IQCJ: variants seen among roughly 807,000 people sequenced by gnomAD.
IQCJ encodes the protein IQ motif containing J.
A neutral mutation model predicts 11.0 loss-of-function variants in IQCJ; 9 were observed. The ratio of observed to expected loss-of-function variants is 0.82; its 90% CI spans 0.49 to 1.43. The LOEUF is 1.43. Among genes scored for constraint, IQCJ ranks in the 40% most tolerant of loss-of-function variants. The probability of loss-of-function intolerance (pLI) is 0.00; values close to 1 mark genes in which losing one functional copy is unlikely to be tolerated. For missense variants in IQCJ, 146 were observed against 133.2 expected, an observed-to-expected ratio of 1.10 and a Z score of -0.47; for synonymous variants, 55 against 51.3, an observed-to-expected ratio of 1.07 and a Z score of -0.31.
chr3:159,197,038 C>CTAA (rs1399050795), intron 1 of IQCJ, among the ~76,000 whole-genome samples: 24 of 152,130 alleles, frequency 1.6e-4, no homozygotes, highest in Middle Eastern at 3.4e-3. Flanking sequence ...TTAAAGGCAC[C>CTAA]TGGTTGGTCT....
intron 1 of IQCJ, among the ~76,000 whole-genome samples, chr3:159,152,778 A>G (rs1477173090): frequency 6.6e-6 from 1 of 152,252 alleles, no homozygotes; most frequent in Non-Finnish European, 1.5e-5. Context: ...AAATAATCTG[A>G]TAAATGTAAC....
intron 1 of IQCJ, among the ~76,000 whole-genome samples, chr3:159,112,533 A>C (rs977192658): frequency 6.6e-6 from 1 of 152,176 alleles, no homozygotes; most frequent in East Asian, 1.9e-4. Flanking sequence ...GAACCTTAAT[A>C]TCTCTGACAA....
intron 1 of IQCJ, among the ~76,000 whole-genome samples, chr3:159,224,021 G>C (rs940392942): frequency 1.6e-4 from 24 of 151,062 alleles, no homozygotes; most frequent in African/African-American, 4.9e-4. Flanking sequence ...AACCTGTAAT[G>C]ATCATTTATA....
At position 159,249,316 on chromosome 3, in the gene IQCJ, C is replaced by T. The variant is rs572023072; in HGVS notation, c.74+3409C>T. Among the ~76,000 whole-genome samples, 5 of 152,282 alleles carry T rather than the reference C, an allele frequency of 3.3e-5. No individual in the cohort carries two copies. In the South Asian group the frequency reaches 1.0e-3, roughly 32 times the overall value. ...TGGTATATACGTGGGTTTCCATCTG[C>T]CCCACCCTACTCTTTCTGCTTTATT... is the stretch of plus-strand genomic sequence containing the variant. On this transcript the variant is annotated intron_variant, in intron 2 of 3. Coordinates refer to ENST00000397832, the MANE Select transcript of IQCJ (RefSeq NM_001042706.3).
chr3:159,110,555 C>T (rs2108118884), intron 1 of IQCJ, among the ~76,000 whole-genome samples: 1 of 152,246 alleles, frequency 6.6e-6, no homozygotes, highest in African/African-American at 2.4e-5. Context: ...TCACCTTTTA[C>T]TTGATTATTC....
chr3:159,089,134 G>A (rs1383765480), intron 1 of IQCJ, among the ~76,000 whole-genome samples: 5 of 151,950 alleles, frequency 3.3e-5, no homozygotes, highest in Non-Finnish European at 5.9e-5. Context: ...AAATCTCTCA[G>A]CATTTGCTTG....
intron 1 of IQCJ, among the ~76,000 whole-genome samples, chr3:159,102,020 G>A (rs866927618): frequency 2.0e-5 from 3 of 152,210 alleles, no homozygotes; most frequent in African/African-American, 7.2e-5. Flanking sequence ...GGTGTGAGAT[G>A]TGCAGAATGG....
In IQCJ at chr3:159,198,056, C is replaced by A. The variant is rs1724094391; in HGVS notation, c.10-47787C>A. ...GATTCTCTGGTTGAATTATAAATAC[C>A]CTGAGGCCATGAATTTTAAAAGTAG... On this transcript the variant is annotated intron_variant, in intron 1 of 3. Transcript: ENST00000397832. Among the ~76,000 whole-genome samples, 3 of 152,050 alleles carry A rather than the reference C, an allele frequency of 2.0e-5. No individual in the cohort carries two copies. In the South Asian group the frequency reaches 6.2e-4, roughly 32 times the overall value.
intron 1 of IQCJ, among the ~76,000 whole-genome samples, chr3:159,106,324 A>G (rs1718260032): frequency 6.6e-6 from 1 of 152,158 alleles, no homozygotes; most frequent in African/African-American, 2.4e-5. Flanking sequence ...TTAGATCTTG[A>G]GATATAAACA....
chr3:159,223,285 A>G (rs935061571), intron 1 of IQCJ, among the ~76,000 whole-genome samples: 1 of 152,140 alleles, frequency 6.6e-6, no homozygotes, highest in Non-Finnish European at 1.5e-5. Flanking sequence ...ATAAGTGTCA[A>G]AAAGGAAAGA....
chr3:159,193,911 G>T (rs547097940), intron 1 of IQCJ, among the ~76,000 whole-genome samples: 1 of 152,250 alleles, frequency 6.6e-6, no homozygotes, highest in African/African-American at 2.4e-5. Context: ...TGTGACTGTT[G>T]TGCCAAAACT....
At chr3:159,069,874 TGTG>T (rs1715442765) in intron 1 of IQCJ, 1 of 370,368 alleles carries the variant, frequency 2.7e-6, no homozygotes, top group South Asian at 2.1e-5. Context: ...TGTGTGTGTG[TGTG>T]TGTGTGTGTG....
chr3:159,190,163 A>G (rs959593194), intron 1 of IQCJ, among the ~76,000 whole-genome samples: 2 of 152,026 alleles, frequency 1.3e-5, no homozygotes, highest in Non-Finnish European at 2.9e-5. Flanking sequence ...GAGGATTAGC[A>G]CCCTGCTCAG....
intron 1 of IQCJ, among the ~76,000 whole-genome samples, chr3:159,132,666 C>T (rs1720056521): frequency 6.6e-6 from 1 of 152,144 alleles, no homozygotes; most frequent in South Asian, 2.1e-4. Flanking sequence ...CCGATAAGGC[C>T]ACTGTGTGAG....
chr3:159,069,954 G>A (rs1249255758), intron 1 of IQCJ: 3 of 256,162 alleles, frequency 1.2e-5, no homozygotes, highest in Admixed American at 8.5e-5. Flanking sequence ...GCTGCTGCAC[G>A]AGAATTTCTA....
chr3:159,244,957 A>G (rs906405680), intron 1 of IQCJ, among the ~76,000 whole-genome samples: 1 of 152,188 alleles, frequency 6.6e-6, no homozygotes, highest in Non-Finnish European at 1.5e-5. Flanking sequence ...TGGTCTTCCC[A>G]GGAACAGAGT....
intron 1 of IQCJ, among the ~76,000 whole-genome samples, chr3:159,121,309 A>T (rs1003423774): frequency 6.6e-5 from 10 of 151,512 alleles, no homozygotes; most frequent in South Asian, 2.1e-4. Flanking sequence ...AATCAAAAAA[A>T]TTTTTTTTAG....
intron 1 of IQCJ, among the ~76,000 whole-genome samples, chr3:159,221,415 C>T (rs962856347): frequency 1.3e-5 from 2 of 152,108 alleles, no homozygotes; most frequent in Admixed American, 6.5e-5. Context: ...TTTCTGAAAA[C>T]TTCTTTTTAA....
At position 159,262,582 on chromosome 3, in the gene IQCJ, C is replaced by T. The variant is rs1728277034; in HGVS notation, c.190C>T (p.Gln64Ter). 4 of 1,613,892 alleles carry T rather than the reference C, an allele frequency of 2.5e-6. No homozygotes were observed. The highest frequency in any genetic ancestry group is 3.4e-6 in the Non-Finnish European group (4 of 1,179,824). ...AGCATGGCGAGAGTACCTGCAGCGGCAGGAGCCCCTGGGGAAGAGGAGCCC... is the reference window on the plus strand; with the variant it reads ...AGCATGGCGAGAGTACCTGCAGCGGTAGGAGCCCCTGGGGAAGAGGAGCCC... ...QRAWREYLQR[Q>*]EPLGKRSPSP... is the part of the protein sequence containing the mutation. Residue 64 changes from glutamine (Q) to a stop codon, truncating the protein, a stop_gained, in exon 4 of 4, where the codon CAG (glutamine) becomes TAG (stop). Coordinates refer to ENST00000397832, the MANE Select transcript of IQCJ (RefSeq NM_001042706.3). LOFTEE classifies it high-confidence loss of function.
Sources: allele counts gnomAD v4.1 joint callset (sites outside exome capture counted in the v4.1 genomes callset), GRCh38; gene constraint gnomAD v4.1.1; transcripts MANE v1.5; gene names NCBI Gene and HGNC (gene_info 2026-07-23, HGNC 2026-07-21).